The following PPFIA2 variants were observed in gnomAD, a reference collection of about 807,000 sequenced individuals.
The protein encoded by PPFIA2 is liprin-alpha-2.
PPFIA2 carries 46 observed loss-of-function variants against 175.5 expected under a neutral mutation model. That is an observed-to-expected ratio of 0.26 (90% confidence interval 0.21 to 0.34). The LOEUF (loss-of-function observed/expected upper bound fraction) is 0.34, where lower values mean the gene tolerates loss of function less well. Among genes scored for constraint, PPFIA2 ranks in the 10% least tolerant of loss-of-function variants. PPFIA2 has a pLI of 1.00. For missense variants in PPFIA2, 1,179 were observed against 1,506.1 expected, an observed-to-expected ratio of 0.78 and a Z score of 3.60; for synonymous variants, 568 against 511.4, an observed-to-expected ratio of 1.11 and a Z score of -1.49.
intron 22 of PPFIA2, chr12:81,312,569 T>A (rs1478719107): frequency 5.3e-6 from 1 of 190,138 alleles, no homozygotes; most frequent in Non-Finnish European, 1.1e-5. Flanking sequence ...GCACTTAGAT[T>A]TTTATATAGC....
Position 81,642,647 on chromosome 12 carries a change from C to CAGTATGTATATATTATATACATA in PPFIA2, c.303+34143_303+34144insTATGTATATAATATATACATACT. Among the ~76,000 whole-genome samples the CAGTATGTATATATTATATACATA allele has an allele frequency of 2.5e-5, 2 of 80,490 alleles. 1 individual carries two copies. 52.8% of individuals were successfully genotyped at this position (80,490 alleles called of 152,430 possible). A position where few individuals can be genotyped will look rare whatever the true frequency, so the allele number is the denominator to read the frequency against. ...ATACTATATATCTATTATATACATA[C>CAGTATGTATATATTATATACATA]ATGTATGTATCTATTATATACATAC... On this transcript the variant is annotated intron_variant, in intron 4 of 32. Transcript: ENST00000549396.
At chr12:81,542,265 C>T (rs2066341113) in intron 4 of PPFIA2, among the ~76,000 whole-genome samples, 1 of 152,014 alleles carries the variant, frequency 6.6e-6, no homozygotes, top group African/African-American at 2.4e-5. Flanking sequence ...CATGGAATGC[C>T]TAAAGCCACA....
chr12:81,343,581 T>C (rs1183367826), intron 19 of PPFIA2, among the ~76,000 whole-genome samples: 2 of 152,146 alleles, frequency 1.3e-5, no homozygotes, highest in South Asian at 2.1e-4. Flanking sequence ...AATGTTTGGG[T>C]GTAAGCTGAC....
At chr12:81,436,752 C>G (rs1325689757) in intron 7 of PPFIA2, among the ~76,000 whole-genome samples, 5 of 152,046 alleles carry the variant, frequency 3.3e-5, no homozygotes, top group South Asian at 2.1e-4. Flanking sequence ...TCTAATTACT[C>G]TCTTAAAAGA....
chr12:81,548,630 G>C (rs2067369717), intron 4 of PPFIA2, among the ~76,000 whole-genome samples: 1 of 151,882 alleles, frequency 6.6e-6, no homozygotes, highest in East Asian at 1.9e-4. Flanking sequence ...ATCCCACCTG[G>C]CTTAAATTGG....
chr12:81,743,498 T>TG (rs376924136), intron 3 of PPFIA2, among the ~76,000 whole-genome samples: 194 of 105,562 alleles, frequency 1.8e-3, no homozygotes, highest in Middle Eastern at 0.013. Context: ...GGTAGAGTGG[T>TG]GGGGGGGTGT....
intron 4 of PPFIA2, among the ~76,000 whole-genome samples, chr12:81,562,613 C>T (rs985286016): frequency 7.3e-5 from 11 of 151,336 alleles, no homozygotes; most frequent in Non-Finnish European, 1.6e-4. Flanking sequence ...TTTGGGAGGC[C>T]GAGGCGGGCG....
chr12:81,724,139 G>A lies in PPFIA2; in HGVS notation c.249+29834C>T, dbSNP rs192815599. ...AATAATCTTAAGAAACAATGTTAGA[G>A]GATTTATAGGATATCTTCTTTTAAA... On this transcript the variant is annotated intron_variant, in intron 3 of 32. Coordinates refer to ENST00000549396, the MANE Select transcript of PPFIA2 (RefSeq NM_003625.5). Among the ~76,000 whole-genome samples the A allele has an allele frequency of 2.4e-3, 358 of 150,836 alleles. 2 individuals are homozygous for A. The highest frequency in any genetic ancestry group is 8.4e-3 in the African/African-American group (347 of 41,350).
chr12:81,469,556 G>A (rs1054133713), intron 4 of PPFIA2, among the ~76,000 whole-genome samples: 1 of 152,196 alleles, frequency 6.6e-6, no homozygotes, highest in East Asian at 1.9e-4. Flanking sequence ...TCCAGATAAA[G>A]GGAGCATCAT....
intron 22 of PPFIA2, among the ~76,000 whole-genome samples, chr12:81,313,451 G>A (rs931879924): frequency 2.0e-5 from 3 of 151,660 alleles, no homozygotes; most frequent in Admixed American, 6.6e-5. Flanking sequence ...TTATTAAATC[G>A]GCACTTTGAA....
chr12:81,369,556 A>G, intron 11 of PPFIA2: 1 of 681,472 alleles, frequency 1.5e-6, no homozygotes, highest in Non-Finnish European at 1.9e-6. Context: ...CATAATTTTT[A>G]TAAATGAAAA....
rs1401093687 is a variant in PPFIA2, at chr12:81,691,448, CCTTAAAGTATCCT to C, written c.250-14617_250-14605del. ...GTTTCCTGTGTGTGGGAGGACTCTG[CCTTAAAGTATCCT>C]CTTTCAGTACCTGAAATTCCTTTTA... is the stretch of plus-strand genomic sequence containing the variant. On this transcript the variant is annotated intron_variant, in intron 3 of 32. Coordinates refer to ENST00000549396, the MANE Select transcript of PPFIA2 (RefSeq NM_003625.5). Among the ~76,000 whole-genome samples the C allele has an allele frequency of 5.9e-5, 9 of 152,138 alleles. No individual in the cohort carries two copies. In the East Asian group the frequency reaches 1.7e-3, roughly 29 times the overall value.
chr12:81,372,305 A>G (rs997277618), intron 11 of PPFIA2, among the ~76,000 whole-genome samples: 6 of 151,622 alleles, frequency 4.0e-5, no homozygotes, highest in Non-Finnish European at 7.4e-5. Flanking sequence ...AAAAGAAGAA[A>G]AAAAGGTGAC....
At position 81,754,560 on chromosome 12, in the gene PPFIA2, A is replaced by G; in HGVS notation, c.-2-337T>C. Among the ~76,000 whole-genome samples, 2 of 152,096 alleles carry G rather than the reference A, an allele frequency of 1.3e-5. 1 individual carries two copies. The highest frequency in any genetic ancestry group is 2.9e-5 in the Non-Finnish European group (2 of 68,018). Reference sequence around the variant, plus strand: ...ATGTGATTTCTATTATTATTTCATCACCTTTCTTATCTGCAAGTTTACAAA... The same window carrying G: ...ATGTGATTTCTATTATTATTTCATCGCCTTTCTTATCTGCAAGTTTACAAA... On this transcript the variant is annotated intron_variant, in intron 2 of 32. Coordinates refer to ENST00000549396, the MANE Select transcript of PPFIA2 (RefSeq NM_003625.5).
At position 81,734,468 on chromosome 12, in the gene PPFIA2, A is replaced by G. The variant is rs1597018964; in HGVS notation, c.249+19505T>C. On this transcript the variant is annotated intron_variant, in intron 3 of 32. Coordinates refer to ENST00000549396, the MANE Select transcript of PPFIA2 (RefSeq NM_003625.5). ...CAGATTAGAGGTCAGGCTTGAAGACATAATAAGAAGCTTAATCATTTATTT... is the reference window on the plus strand; with the variant it reads ...CAGATTAGAGGTCAGGCTTGAAGACGTAATAAGAAGCTTAATCATTTATTT... 3.9e-5 allele frequency among the ~76,000 whole-genome samples: 6 copies of G among 151,936 alleles called. No individual in the cohort carries two copies. In the South Asian group the frequency reaches 1.2e-3, roughly 31 times the overall value.
In PPFIA2 at chr12:81,750,521, T is replaced by C. The variant is rs1019624912; in HGVS notation, c.249+3452A>G. Among the ~76,000 whole-genome samples, 4 of 151,792 alleles carry C rather than the reference T, an allele frequency of 2.6e-5. 1 individual carries two copies. Among genetic ancestry groups the C allele is most frequent in the African/African-American group, 9.7e-5 (4 of 41,402 alleles). On this transcript the variant is annotated intron_variant, in intron 3 of 32. Transcript: ENST00000549396. The stretch of plus-strand genomic sequence containing the variant: ...AGATGATGACTGGGTTTGGAGCATG[T>C]TGAATCTGAGGTTCTGTGGAACATA...
chr12:81,731,186 T>C (rs368374226), intron 3 of PPFIA2, among the ~76,000 whole-genome samples: 4 of 151,632 alleles, frequency 2.6e-5, no homozygotes, highest in Non-Finnish European at 4.4e-5. Flanking sequence ...ACACTGGCTG[T>C]TCAAAATGCT....
At chr12:81,611,316 C>A (rs550009028) in intron 4 of PPFIA2, among the ~76,000 whole-genome samples, 1 of 152,272 alleles carries the variant, frequency 6.6e-6, no homozygotes, top group Non-Finnish European at 1.5e-5. Context: ...GGGCCCGGGA[C>A]CCAGCAACTG....
At chr12:81,624,619 TATATATA>T (rs1314385055) in intron 4 of PPFIA2, among the ~76,000 whole-genome samples, 1 of 146,340 alleles carries the variant, frequency 6.8e-6, no homozygotes, top group Non-Finnish European at 1.5e-5. Context: ...TATATAATTA[TATATATA>T]ATATATATTA....
Sources: allele counts gnomAD v4.1 joint callset (sites outside exome capture counted in the v4.1 genomes callset), GRCh38; gene constraint gnomAD v4.1.1; transcripts MANE v1.5; gene names NCBI Gene and HGNC (gene_info 2026-07-23, HGNC 2026-07-21).